Variants in IREB2 observed in about 807,000 individuals in gnomAD.
IREB2 encodes iron responsive element binding protein 2, also known as iron-responsive element-binding protein 2.
A neutral mutation model predicts 118.8 loss-of-function variants in IREB2; 39 were observed. The ratio of observed to expected loss-of-function variants is 0.33; its 90% confidence interval spans 0.25 to 0.43. The LOEUF (loss-of-function observed/expected upper bound fraction) is 0.43, where lower values mean the gene tolerates loss of function less well. IREB2 is among the 20% of genes least tolerant of loss of function. The pLI, the probability that IREB2 is intolerant of heterozygous loss-of-function variation, is 1.00. For missense variants in IREB2, 900 were observed against 1,147.3 expected (o/e 0.78, Z 3.11); for synonymous variants, 372 against 392.2 (o/e 0.95, Z 0.61).
chr15:78,476,493 G>C, intron 9 of IREB2, 134 bp downstream of exon 9: 1 of 602,554 alleles, frequency 1.7e-6, no homozygotes, highest in Non-Finnish European at 2.7e-6. Flanking sequence ...CAACTTTCAA[G>C]CAAACATCAG....
chr15:78,438,627 C>G (rs557016532), intron 1 of IREB2: 162 of 481,836 alleles, frequency 3.4e-4, no homozygotes, highest in African/African-American at 3.1e-3. Context: ...CTCCGGTGGC[C>G]GCTGCCTGCT....
intron 9 of IREB2, among the ~76,000 whole-genome samples, chr15:78,477,796 TTA>T (rs1391301103): frequency 6.6e-6 from 1 of 151,882 alleles, no homozygotes; most frequent in Non-Finnish European, 1.5e-5. Flanking sequence ...CAGTACAGAC[TTA>T]TAGTCCTAGC....
intron 20 of IREB2, 91 bp downstream of exon 20, chr15:78,494,355 T>G: frequency 7.6e-7 from 1 of 1,317,842 alleles, no homozygotes; most frequent in Non-Finnish European, 1.1e-6. Flanking sequence ...TTATCTGGAT[T>G]TTTTATAGTT....
At chr15:78,462,627 A>G (rs567618024) in intron 2 of IREB2, among the ~76,000 whole-genome samples, 16 of 152,156 alleles carry the variant, frequency 1.1e-4, no homozygotes, top group African/African-American at 3.9e-4. Context: ...TTCCTTGAAT[A>G]TGAAGTATTT....
chr15:78,490,357 A>T lies in IREB2; in HGVS notation c.2077-65A>T, dbSNP rs113255945. ...CTATTTTATTCCCTTGATCATTTTC[A>T]TGCGCCTCTTTTTCTGAGTCCTTTT... On this transcript the variant is annotated intron_variant, in intron 16 of 21. Coordinates refer to ENST00000258886, the MANE Select transcript of IREB2 (RefSeq NM_004136.4). The T allele has an allele frequency of 1.2e-3, 1,209 of 990,778 alleles. 12 individuals carry two copies. In the African/African-American group the frequency reaches 0.017, roughly 14 times the overall value. The allele number at this position is 990,778 out of a possible 1,614,324, so 61.4% of individuals were successfully genotyped here.
At chr15:78,438,959 A>G (rs1567158642) in intron 1 of IREB2, 1 of 152,424 alleles carries the variant, frequency 6.6e-6, no homozygotes, top group East Asian at 1.9e-4. Flanking sequence ...CATTCTGAAA[A>G]TGGGCTGTGC....
intron 2 of IREB2, among the ~76,000 whole-genome samples, chr15:78,452,719 C>G (rs772433017): frequency 2.0e-5 from 3 of 151,882 alleles, no homozygotes; most frequent in Non-Finnish European, 4.4e-5. Context: ...CCAGCCTGGG[C>G]AACATAGTGA....
intron 7 of IREB2, among the ~76,000 whole-genome samples, chr15:78,472,185 T>TAC (rs2051391401): frequency 6.6e-6 from 1 of 152,202 alleles, no homozygotes; most frequent in Admixed American, 6.5e-5. Flanking sequence ...ATGATGATGA[T>TAC]ACGTCTACAA....
intron 2 of IREB2, among the ~76,000 whole-genome samples, chr15:78,458,395 G>A (rs956828363): frequency 1.3e-5 from 2 of 152,140 alleles, no homozygotes; most frequent in Non-Finnish European, 2.9e-5. Context: ...TGGGAGTAGG[G>A]AGTATATGGG....
At position 78,470,516 on chromosome 15, in the gene IREB2, C is replaced by T; in HGVS notation, c.630-16C>T. On this transcript the variant is annotated splice_polypyrimidine_tract_variant and intron_variant, in intron 5 of 21. Coordinates refer to ENST00000258886, the MANE Select transcript of IREB2 (RefSeq NM_004136.4). ...TTGTAATACATACGTTTAATGCCAGCTCTTCTTCCTTTTAGACCTGAAACA... is the reference window on the plus strand; with the variant it reads ...TTGTAATACATACGTTTAATGCCAGTTCTTCTTCCTTTTAGACCTGAAACA... 6.4e-7 allele frequency: 1 copy of T among 1,558,642 alleles called. No homozygotes were observed. The highest frequency in any genetic ancestry group is 8.8e-7 in the Non-Finnish European group (1 of 1,142,052).
chr15:78,447,255 C>T (rs1244392931), intron 2 of IREB2, among the ~76,000 whole-genome samples: 1 of 150,720 alleles, frequency 6.6e-6, no homozygotes, highest in South Asian at 2.1e-4. Context: ...TAGTTCACTG[C>T]ATCTTCAACC....
intron 6 of IREB2, among the ~76,000 whole-genome samples, chr15:78,471,422 G>A (rs2051374627): frequency 1.3e-5 from 2 of 152,242 alleles, no homozygotes; most frequent in Admixed American, 6.5e-5. Context: ...CTCTAGTTTA[G>A]GAGAGAGAGC....
intron 11 of IREB2, among the ~76,000 whole-genome samples, chr15:78,483,954 T>G (rs1193481184): frequency 6.6e-6 from 1 of 151,816 alleles, no homozygotes; most frequent in Non-Finnish European, 1.5e-5. Flanking sequence ...CTGGGTAATT[T>G]TTGTATTTTT....
rs148145119 is a variant in IREB2 at position 78,466,473 on chromosome 15, T to C, written c.613T>C (p.Leu205=). The change falls in exon 5 of 22, where the codon TTG becomes CTG. Residue 205 remains leucine (L), a synonymous_variant. Transcript: ENST00000258886. ...ENTPILCPFH[L]QPVPEPETVL... ...TACACCCATCCTGTGTCCTTTTCAT[T>C]TGCAACCAGTGCCTGAGTATGAGAT... is the stretch of plus-strand genomic sequence containing the variant. 4,435 of 1,611,364 alleles carry C rather than the reference T, an allele frequency of 2.8e-3. 30 individuals carry two copies. Among genetic ancestry groups the C allele is most frequent in the Non-Finnish European group, 2.1e-3 (2,420 of 1,177,566 alleles).
At chr15:78,465,153 G>C in intron 3 of IREB2, 98 bp from the exon 4 acceptor site, 1 of 918,262 alleles carries the variant, frequency 1.1e-6, no homozygotes, top group East Asian at 2.7e-5. Flanking sequence ...AACTAGACAG[G>C]GATACTTTTT....
intron 10 of IREB2, among the ~76,000 whole-genome samples, chr15:78,482,810 C>T (rs556417491): frequency 1.3e-4 from 20 of 151,492 alleles, no homozygotes; most frequent in African/African-American, 4.1e-4. Flanking sequence ...TGCAGTGGCG[C>T]GATCTTGGCT....
chr15:78,495,910 G>A (rs2051830299), intron 20 of IREB2, among the ~76,000 whole-genome samples: 1 of 152,158 alleles, frequency 6.6e-6, no homozygotes, highest in African/African-American at 2.4e-5. Context: ...AGACAGTGGA[G>A]AAAAAAGTTG....
chr15:78,491,451 T>G (rs2051748839), intron 18 of IREB2, among the ~76,000 whole-genome samples: 1 of 152,158 alleles, frequency 6.6e-6, no homozygotes, highest in East Asian at 1.9e-4. Flanking sequence ...CTTGAGTAAT[T>G]AAAATGACAA....
rs552714324 is a variant in IREB2 at position 78,438,234 on chromosome 15, C to T, written c.-104C>T. On this transcript the variant is annotated 5_prime_UTR_variant, in exon 1 of 22. Transcript: ENST00000258886. ...TTTGCGCGAGCCTGCTTCCTTCTTT[C>T]CTCCCTTGCCAGTCCGCCTGTCTTC... 2.6e-5 allele frequency: 23 copies of T among 886,038 alleles called. No individual in the cohort carries two copies. Among genetic ancestry groups the T allele is most frequent in the African/African-American group, 5.0e-5 (3 of 60,414 alleles). 54.9% of individuals were successfully genotyped at this position (886,038 alleles called of 1,614,324 possible). A position where few individuals can be genotyped will look rare whatever the true frequency, so the allele number is the denominator to read the frequency against.
Sources: allele counts gnomAD v4.1 joint callset (sites outside exome capture counted in the v4.1 genomes callset), GRCh38; gene constraint gnomAD v4.1.1; transcripts MANE v1.5; gene names NCBI Gene and HGNC (gene_info 2026-07-23, HGNC 2026-07-21).